The following ADCY1 variants were observed in gnomAD, a reference collection of about 807,000 sequenced individuals.
ADCY1 encodes the protein adenylate cyclase type 1.
ADCY1 carries 28 observed loss-of-function variants against 105.4 expected under a neutral mutation model. The ratio of observed to expected loss-of-function variants is 0.27; its 90% CI spans 0.20 to 0.36. The LOEUF is 0.36. ADCY1 is among the 10% of genes least tolerant of loss of function. The pLI is 1.00. For synonymous variants in ADCY1, 655 were observed against 623.8 expected, an observed-to-expected ratio of 1.05 and a Z score of -0.75; for missense variants, 977 against 1,434.2, an observed-to-expected ratio of 0.68 and a Z score of 5.15.
chr7:45,643,717 A>G (rs1180767712), intron 4 of ADCY1, among the ~76,000 whole-genome samples: 1 of 152,146 alleles, frequency 6.6e-6, no homozygotes, highest in Non-Finnish European at 1.5e-5. Flanking sequence ...GTACATGGAG[A>G]GACCCCTCCC....
chr7:45,575,263 C>CTTTT lies in ADCY1; in HGVS notation c.639+83_639+86dup. On this transcript the variant is annotated intron_variant, in intron 1 of 19. Coordinates refer to ENST00000297323, the MANE Select transcript of ADCY1 (RefSeq NM_021116.4). This position sits in a 1 kb window ranked among gnomAD's most constrained non-coding sequence, Gnocchi z 4.7. Reference sequence around the variant, plus strand: ...CTGGGAATGCCCGGAGTCGGGCGCGCTTTTTCCTATGCGGCGGGTGGGGAC... The same window carrying CTTTT: ...CTGGGAATGCCCGGAGTCGGGCGCGCTTTTTTTTTCCTATGCGGCGGGTGGGGAC... 1 of 1,488,670 alleles carries CTTTT rather than the reference C, an allele frequency of 6.7e-7. No individual in the cohort carries two copies. The highest frequency in any genetic ancestry group is 8.9e-7 in the Non-Finnish European group (1 of 1,125,314). 92.2% of individuals were successfully genotyped at this position (1,488,670 alleles called of 1,614,324 possible). A position where few individuals can be genotyped will look rare whatever the true frequency, so the allele number is the denominator to read the frequency against.
chr7:45,609,917 AAGAATG>A (rs1793486478), intron 2 of ADCY1, among the ~76,000 whole-genome samples: 1 of 152,238 alleles, frequency 6.6e-6, no homozygotes, highest in East Asian at 1.9e-4. Context: ...AAGACCAAGA[AAGAATG>A]CCACATGGTC....
At chr7:45,611,985 A>C (rs956777388) in intron 3 of ADCY1, among the ~76,000 whole-genome samples, 3 of 152,192 alleles carry the variant, frequency 2.0e-5, no homozygotes, top group Non-Finnish European at 4.4e-5. Context: ...TTCATTGGAA[A>C]TGAGTTGAGG....
At chr7:45,606,238 G>A (rs1444502679) in intron 2 of ADCY1, among the ~76,000 whole-genome samples, 1 of 152,108 alleles carries the variant, frequency 6.6e-6, no homozygotes, top group Non-Finnish European at 1.5e-5. Context: ...GGCTCACTCT[G>A]GGAGTGGGTG....
chr7:45,586,393 C>T (rs1384097092), intron 1 of ADCY1, among the ~76,000 whole-genome samples: 1 of 152,148 alleles, frequency 6.6e-6, no homozygotes, highest in Non-Finnish European at 1.5e-5. Context: ...GAGAGCCTGT[C>T]AAATTATTTT....
At chr7:45,610,116 T>C (rs957747331) in intron 2 of ADCY1, among the ~76,000 whole-genome samples, 6 of 152,194 alleles carry the variant, frequency 3.9e-5, no homozygotes, top group Admixed American at 3.9e-4. Flanking sequence ...GTAACCCTGC[T>C]GTACACTGAA....
At chr7:45,667,974 A>G (rs1447032871) in intron 8 of ADCY1, among the ~76,000 whole-genome samples, 3 of 152,148 alleles carry the variant, frequency 2.0e-5, no homozygotes, top group Non-Finnish European at 4.4e-5. Context: ...TTGCACATTG[A>G]TTTTGTATCC....
chr7:45,663,556 C>T (rs1305105171), intron 8 of ADCY1, among the ~76,000 whole-genome samples: 3 of 152,306 alleles, frequency 2.0e-5, no homozygotes, highest in Admixed American at 1.3e-4. Flanking sequence ...TCGGTGGGCT[C>T]ATGCCTCTAA....
chr7:45,604,630 C>G (rs1369410940), intron 2 of ADCY1, among the ~76,000 whole-genome samples: 2 of 152,134 alleles, frequency 1.3e-5, no homozygotes, highest in Non-Finnish European at 2.9e-5. Context: ...ATTTGTTGCG[C>G]ATATTTGTGT....
chr7:45,595,432 C>T (rs1793046197), intron 2 of ADCY1, among the ~76,000 whole-genome samples: 1 of 152,214 alleles, frequency 6.6e-6, no homozygotes, highest in Non-Finnish European at 1.5e-5. Context: ...CTCCCTCTCT[C>T]TCTGTGAGGA....
intron 2 of ADCY1, among the ~76,000 whole-genome samples, chr7:45,596,431 A>T (rs917753039): frequency 6.6e-6 from 1 of 151,926 alleles, no homozygotes; most frequent in Non-Finnish European, 1.5e-5. Context: ...CTGGGTGTGG[A>T]CACACCCCAG....
intron 2 of ADCY1, among the ~76,000 whole-genome samples, chr7:45,599,435 G>A (rs1360785043): frequency 2.0e-5 from 3 of 150,550 alleles, no homozygotes; most frequent in Non-Finnish European, 3.0e-5. Flanking sequence ...CTTGGTTTTC[G>A]TGGCTTGTGC....
chr7:45,632,388 G>A (rs1424690107), intron 4 of ADCY1, among the ~76,000 whole-genome samples: 3 of 152,146 alleles, frequency 2.0e-5, no homozygotes, highest in African/African-American at 7.2e-5. Context: ...TGGGATTTGT[G>A]TTGAATCTAT....
At chr7:45,670,299 G>A (rs1036986619) in intron 8 of ADCY1, among the ~76,000 whole-genome samples, 1 of 152,168 alleles carries the variant, frequency 6.6e-6, no homozygotes, top group African/African-American at 2.4e-5. Flanking sequence ...CAATGTGTTG[G>A]CCACTCTCGT....
intron 19 of ADCY1, among the ~76,000 whole-genome samples, chr7:45,712,043 T>A (rs1378743683): frequency 8.7e-4 from 112 of 128,772 alleles, no homozygotes; most frequent in African/African-American, 3.1e-3. Flanking sequence ...ATATATATTT[T>A]ATATAATATA....
chr7:45,588,305 T>A (rs1792794185), intron 1 of ADCY1, among the ~76,000 whole-genome samples: 1 of 152,072 alleles, frequency 6.6e-6, no homozygotes, highest in Non-Finnish European at 1.5e-5. Flanking sequence ...CAGGCCCATC[T>A]GCTTGATTAG....
At chr7:45,604,164 C>A (rs556030811) in intron 2 of ADCY1, among the ~76,000 whole-genome samples, 21 of 152,252 alleles carry the variant, frequency 1.4e-4, no homozygotes, top group African/African-American at 5.1e-4. Flanking sequence ...ATTTATGTAC[C>A]CAGCAACATA....
rs761725491 is a variant in ADCY1, at chr7:45,713,930, G to C, written c.3295G>C (p.Ala1099Pro). Residue 1099 changes from alanine (A) to proline (P), a missense_variant, in exon 20 of 20, where the codon GCT becomes CCT. This residue lies in a region of ADCY1 where 78 missense variants were observed against 60.0 expected (regional missense o/e 1.30). Coordinates refer to ENST00000297323, the MANE Select transcript of ADCY1 (RefSeq NM_021116.4). ...CCCCATGCCTGGCGTCTCAGTCAGG[G>C]CTGGGCTCCCTCCACACTCCCCAGG... ...VCPMPGVSVR[A>P]GLPPHSPGQY... The C allele has an allele frequency of 1.3e-6, 1 of 780,492 alleles. No homozygotes were observed. Among genetic ancestry groups the C allele is most frequent in the Non-Finnish European group, 2.4e-6 (1 of 418,132 alleles). 48.3% of individuals were successfully genotyped at this position (780,492 alleles called of 1,614,324 possible).
At chr7:45,689,014 T>G (rs1163982683) in intron 14 of ADCY1, among the ~76,000 whole-genome samples, 2 of 150,016 alleles carry the variant, frequency 1.3e-5, no homozygotes, top group Non-Finnish European at 3.0e-5. Context: ...GCAGAAGACA[T>G]TCCTGTGTCC....
Sources: gnomAD v4.1 joint callset for allele counts (sites outside exome capture counted in the v4.1 genomes callset) on GRCh38, gnomAD v4.1.1 for gene constraint, gnomAD v4.1.1 regional missense constraint, Gnocchi (gnomAD v3.1) non-coding constraint, MANE v1.5 for transcripts, NCBI Gene and HGNC (gene_info 2026-07-23, HGNC 2026-07-21) for gene names.